Variants in TRANK1 observed in about 807,000 individuals in gnomAD.
The protein encoded by TRANK1 is tetratricopeptide repeat and ankyrin repeat containing 1.
TRANK1 carries 198 observed loss-of-function variants against 266.0 expected under a neutral mutation model. That is an observed-to-expected ratio of 0.74 (90% CI 0.66 to 0.84). TRANK1 has a LOEUF of 0.84. TRANK1 is among the 40% of genes least tolerant of loss of function. The probability of loss-of-function intolerance (pLI) is 0.00; values close to 1 mark genes in which losing one functional copy is unlikely to be tolerated. For synonymous variants in TRANK1, 1,396 were observed against 1,384.1 expected, an observed-to-expected ratio of 1.01 and a Z score of -0.19; for missense variants, 3,326 against 3,634.6, an observed-to-expected ratio of 0.92 and a Z score of 2.18.
At chr3:36,880,347 A>G in intron 8 of TRANK1, 2 of 397,660 alleles carry the variant, frequency 5.0e-6, no homozygotes, top group Non-Finnish European at 1.1e-5. Flanking sequence ...TGTGGCACCA[A>G]TTATTCTTTC....
intron 1 of TRANK1, among the ~76,000 whole-genome samples, chr3:36,925,592 CTTT>C (rs766901220): frequency 6.5e-5 from 9 of 138,338 alleles, no homozygotes; most frequent in Admixed American, 1.5e-4. Flanking sequence ...TTGAATCTTT[CTTT>C]TTTTTTTTTT....
At chr3:36,873,696 TG>T (rs2079342671) in intron 9 of TRANK1, among the ~76,000 whole-genome samples, 1 of 152,170 alleles carries the variant, frequency 6.6e-6, no homozygotes, top group East Asian at 1.9e-4. Flanking sequence ...ATCTTTTACG[TG>T]GTCTTGTCAG....
In TRANK1 at chr3:36,857,055, G is replaced by A. The variant is rs200977390; in HGVS notation, c.2667C>T (p.Phe889=). The stretch of plus-strand genomic sequence containing the variant: ...GGGCTCCTTTGTCCAGCTTAGCTTC[G>A]AAGAGCTGGATGCTTCCTTTCAGGT... The part of the protein sequence containing the change: ...LKHLKGSIQL[F]EAKLDKGARM... The change falls in exon 13 of 24, where the codon TTC becomes TTT. Residue 889 remains phenylalanine (F), a synonymous_variant. Transcript: ENST00000645898. The surrounding 1 kb of genome is among the most constrained non-coding windows in gnomAD (Gnocchi z 4.3). 353 of 1,614,004 alleles carry A rather than the reference G, an allele frequency of 2.2e-4. No individual in the cohort carries two copies. The highest frequency in any genetic ancestry group is 2.7e-4 in the Non-Finnish European group (321 of 1,179,894).
intron 19 of TRANK1, 31 bp downstream of exon 19, chr3:36,838,582 A>T: frequency 6.2e-7 from 1 of 1,613,954 alleles, no homozygotes; most frequent in Non-Finnish European, 8.5e-7. Context: ...CTCCCATCGG[A>T]GCAAACCAGA....
At chr3:36,902,613 G>A (rs1275705590) in intron 3 of TRANK1, among the ~76,000 whole-genome samples, 1 of 152,218 alleles carries the variant, frequency 6.6e-6, no homozygotes, top group Non-Finnish European at 1.5e-5. Flanking sequence ...ATCTTAAAGG[G>A]TCTTAGTGGC....
chr3:36,876,022 A>G (rs1363339290), intron 8 of TRANK1, among the ~76,000 whole-genome samples: 1 of 152,278 alleles, frequency 6.6e-6, no homozygotes, highest in Non-Finnish European at 1.5e-5. Context: ...ACTTAAATAC[A>G]TGCAGAGAGG....
intron 10 of TRANK1, among the ~76,000 whole-genome samples, chr3:36,861,793 C>T (rs1250107941): frequency 1.3e-5 from 2 of 151,314 alleles, no homozygotes; most frequent in Admixed American, 6.6e-5. Context: ...GCAAGCTCCA[C>T]CTCCTGGATT....
chr3:36,838,217 G>A (rs2078795763), intron 20 of TRANK1, among the ~76,000 whole-genome samples, 155 bp downstream of exon 20: 1 of 152,164 alleles, frequency 6.6e-6, no homozygotes, highest in African/African-American at 2.4e-5. Context: ...TGCCCAAGTA[G>A]TGAAAGTAGG....
chr3:36,921,183 C>T (rs1484785316), intron 1 of TRANK1, among the ~76,000 whole-genome samples: 1 of 152,166 alleles, frequency 6.6e-6, no homozygotes, highest in Non-Finnish European at 1.5e-5. Flanking sequence ...CACTCTGGCT[C>T]ATACTCCTGC....
chr3:36,856,904 G>A lies in TRANK1; in HGVS notation c.2818C>T (p.Arg940Trp), dbSNP rs766372239. 34 of 1,613,940 alleles carry A rather than the reference G, an allele frequency of 2.1e-5. No individual in the cohort carries two copies. Among genetic ancestry groups the A allele is most frequent in the Non-Finnish European group, 2.6e-5 (31 of 1,179,854 alleles). The change falls in exon 13 of 24, where the codon CGG (arginine) becomes TGG (tryptophan). Residue 940 changes from arginine (R) to tryptophan (W), a missense_variant. Coordinates refer to ENST00000645898, the MANE Select transcript of TRANK1 (RefSeq NM_001329998.2). ...KSGRIYTEII[R>W]IWDIVLDHCK... ...TGATCTAAGACGATGTCCCAAATCC[G>A]GATGATTTCCGTGTAGATCCGCCCT...
intron 8 of TRANK1, among the ~76,000 whole-genome samples, chr3:36,885,244 A>T (rs1350553357): frequency 6.6e-6 from 1 of 152,188 alleles, no homozygotes; most frequent in Admixed American, 6.6e-5. Context: ...GACATCATGA[A>T]CCCCTTGGTA....
intron 11 of TRANK1, among the ~76,000 whole-genome samples, chr3:36,859,660 C>A (rs929915230): frequency 1.3e-5 from 2 of 152,166 alleles, no homozygotes; most frequent in Non-Finnish European, 2.9e-5. Flanking sequence ...CAGACCCACC[C>A]ACTATAGATC....
chr3:36,895,040 T>C (rs868300472), intron 5 of TRANK1, among the ~76,000 whole-genome samples: 1 of 152,116 alleles, frequency 6.6e-6, no homozygotes, highest in African/African-American at 2.4e-5. Context: ...TCTGAAGAAA[T>C]AGGTTTATAT....
At chr3:36,912,538 T>C (rs2080066452) in intron 1 of TRANK1, among the ~76,000 whole-genome samples, 2 of 152,342 alleles carry the variant, frequency 1.3e-5, no homozygotes, top group South Asian at 4.1e-4. Context: ...ATTTTCACTA[T>C]GTCTCTATGA....
At chr3:36,941,225 CAA>C (rs1200976378) in intron 1 of TRANK1, among the ~76,000 whole-genome samples, 1 of 152,184 alleles carries the variant, frequency 6.6e-6, no homozygotes, top group Non-Finnish European at 1.5e-5. Flanking sequence ...GCCCTCTTTC[CAA>C]GTGCTAGGAG....
At chr3:36,843,193 A>G (rs2125522917) in intron 17 of TRANK1, among the ~76,000 whole-genome samples, 1 of 152,276 alleles carries the variant, frequency 6.6e-6, no homozygotes, top group South Asian at 2.1e-4. Context: ...TCTTTCTAGT[A>G]TTCATGTAAG....
At chr3:36,888,797 C>T (rs1321780391) in intron 8 of TRANK1, among the ~76,000 whole-genome samples, 1 of 152,190 alleles carries the variant, frequency 6.6e-6, no homozygotes, top group African/African-American at 2.4e-5. Flanking sequence ...GTAGCTCATG[C>T]CTGTATCCCA....
At chr3:36,907,848 CAGA>C (rs2079995673) in intron 2 of TRANK1, among the ~76,000 whole-genome samples, 1 of 152,088 alleles carries the variant, frequency 6.6e-6, no homozygotes, top group Non-Finnish European at 1.5e-5. Context: ...CCTACATAAA[CAGA>C]AGAAGCTCTT....
Position 36,846,364 on chromosome 3 carries a change from G to A in TRANK1, c.5075C>T (p.Thr1692Ile). 1.2e-6 allele frequency: 2 copies of A among 1,613,810 alleles called. No individual in the cohort carries two copies. Among genetic ancestry groups the A allele is most frequent in the Non-Finnish European group, 1.7e-6 (2 of 1,179,790 alleles). ...GATCCAGAGGTTGACCCGAGCCCGT[G>A]TGATGGCGGTGTACAGCTGCTTCAG... ...GELKQLYTAITRARVNLWIFD... is the reference protein window; with the variant it reads ...GELKQLYTAIIRARVNLWIFD... Residue 1692 changes from threonine (T) to isoleucine (I), a missense_variant, in exon 17 of 24, where the codon ACA (threonine) becomes ATA (isoleucine). Coordinates refer to ENST00000645898, the MANE Select transcript of TRANK1 (RefSeq NM_001329998.2).
Sources: allele counts gnomAD v4.1 joint callset (sites outside exome capture counted in the v4.1 genomes callset), GRCh38; gene constraint gnomAD v4.1.1; non-coding constraint Gnocchi (gnomAD v3.1); transcripts MANE v1.5; gene names NCBI Gene and HGNC (gene_info 2026-07-23, HGNC 2026-07-21).